Variants in FAT4 observed in about 807,000 individuals in gnomAD.
FAT4 encodes the protein FAT atypical cadherin 4.
Under a neutral mutation model 303.9 loss-of-function variants are expected in FAT4, and 84 were observed. The ratio of observed to expected loss-of-function variants is 0.28; its 90% CI spans 0.23 to 0.33. FAT4 has a LOEUF of 0.33. Ranked by LOEUF, FAT4 falls within the 10% of genes least tolerant of loss-of-function variation. FAT4 has a pLI of 1.00. For missense variants in FAT4, 6,005 were observed against 6,146.8 expected, an observed-to-expected ratio of 0.98 and a Z score of 0.77; for synonymous variants, 2,307 against 2,298.8, an observed-to-expected ratio of 1.00 and a Z score of -0.10.
At chr4:125,367,574 C>T (rs902835449) in intron 2 of FAT4, among the ~76,000 whole-genome samples, 8 of 152,074 alleles carry the variant, frequency 5.3e-5, no homozygotes, top group African/African-American at 2.4e-5. Flanking sequence ...TGTAAATACA[C>T]ATAGTTTAAA....
intron 7 of FAT4, among the ~76,000 whole-genome samples, chr4:125,430,221 A>T (rs1000452699): frequency 4.6e-5 from 7 of 151,978 alleles, no homozygotes; most frequent in Non-Finnish European, 7.4e-5. Context: ...CAGCGTCTTC[A>T]TTCAATTAGC....
chr4:125,460,812 T>C (rs576300258), intron 10 of FAT4, among the ~76,000 whole-genome samples: 12 of 152,256 alleles, frequency 7.9e-5, no homozygotes, highest in Non-Finnish European at 1.5e-4. Context: ...GTAATGGGAT[T>C]GTTGGGTCAA....
At chr4:125,457,804 T>A (rs1726336809) in intron 10 of FAT4, among the ~76,000 whole-genome samples, 1 of 152,202 alleles carries the variant, frequency 6.6e-6, no homozygotes, top group Middle Eastern at 3.4e-3. Context: ...TAAAAACTAT[T>A]ATTCCTGCCA....
chr4:125,480,288 A>G (rs1279300145), intron 15 of FAT4, among the ~76,000 whole-genome samples: 1 of 152,172 alleles, frequency 6.6e-6, no homozygotes, highest in Non-Finnish European at 1.5e-5. Flanking sequence ...AACATCATAC[A>G]GAGCCATCAT....
In FAT4 at chr4:125,448,566, C is replaced by T; in HGVS notation, c.7556C>T (p.Pro2519Leu). 1 of 1,613,852 alleles carries T rather than the reference C, an allele frequency of 6.2e-7. No individual in the cohort carries two copies. Among genetic ancestry groups the T allele is most frequent in the Non-Finnish European group, 8.5e-7 (1 of 1,179,896 alleles). ...AATTCTGAAAAATTTCACATTGACC[C>T]ACTGAGGGGAGCCATTATGGCCGCC... ...GRNSEKFHIDPLRGAIMAAGP... is the reference protein window; with the variant it reads ...GRNSEKFHIDLLRGAIMAAGP... The change falls in exon 10 of 18, where the codon CCA becomes CTA. Residue 2519 changes from proline to leucine, a missense_variant. Physicochemically the swap from Pro to Leu is moderately conservative, Grantham distance 98. Coordinates refer to ENST00000394329, the MANE Select transcript of FAT4 (RefSeq NM_001291303.3).
chr4:125,484,737 G>A (rs1379087256), intron 16 of FAT4, among the ~76,000 whole-genome samples: 2 of 152,048 alleles, frequency 1.3e-5, no homozygotes, highest in Non-Finnish European at 2.9e-5. Context: ...TGTATGGCAT[G>A]TTTACTGTAC....
In FAT4 at chr4:125,449,262, G is replaced by T. The variant is rs767230275; in HGVS notation, c.8252G>T (p.Gly2751Val). ...CTAACCATAAAATCATCAGACAAAG[G>T]GTCCCCGTCTCAGAGTACTTCAGTA... is the stretch of plus-strand genomic sequence containing the variant. ...YVLTIKSSDK[G>V]SPSQSTSVKV... Residue 2751 changes from glycine to valine, a missense_variant, in exon 10 of 18, where the codon GGG (glycine) becomes GTG (valine). By Grantham distance (109) the Gly-to-Val change is moderately radical (BLOSUM62 -3). Coordinates refer to ENST00000394329, the MANE Select transcript of FAT4 (RefSeq NM_001291303.3). The T allele has an allele frequency of 2.0e-5, 33 of 1,613,700 alleles. No individual in the cohort carries two copies. Among genetic ancestry groups the T allele is most frequent in the Non-Finnish European group, 2.4e-5 (28 of 1,179,890 alleles).
intron 2 of FAT4, among the ~76,000 whole-genome samples, chr4:125,370,619 C>T (rs777204153): frequency 8.5e-5 from 13 of 152,114 alleles, no homozygotes; most frequent in Non-Finnish European, 1.6e-4. Flanking sequence ...CTCTAAATCA[C>T]GTATACAGAC....
chr4:125,402,037 A>C (rs2126015434), intron 3 of FAT4, among the ~76,000 whole-genome samples: 1 of 151,830 alleles, frequency 6.6e-6, no homozygotes, highest in Middle Eastern at 3.4e-3. Context: ...TAATTAAATC[A>C]TTACTCTTGG....
chr4:125,361,035 T>C (rs1732646206), intron 2 of FAT4, among the ~76,000 whole-genome samples: 1 of 149,860 alleles, frequency 6.7e-6, no homozygotes. Context: ...ATGAGTGCAC[T>C]GATGTGTATT....
At chr4:125,333,387 C>G (rs997433673) in intron 2 of FAT4, among the ~76,000 whole-genome samples, 9 of 152,260 alleles carry the variant, frequency 5.9e-5, no homozygotes, top group African/African-American at 1.9e-4. Flanking sequence ...AGTTCAATGA[C>G]AGATTTTTAA....
Position 125,434,259 on chromosome 4 carries a change from A to T in FAT4, c.7033A>T (p.Thr2345Ser). 6.2e-7 allele frequency: 1 copy of T among 1,612,776 alleles called. No homozygotes were observed. Among genetic ancestry groups the T allele is most frequent in the Non-Finnish European group, 8.5e-7 (1 of 1,179,372 alleles). ...TATDSGSPAL[T>S]GTGTINVIVD... ...TTTCTTTTTAGGATCCCCTGCCTTGACTGGAACTGGAACAATCAACGTCAT... is the reference window on the plus strand; with the variant it reads ...TTTCTTTTTAGGATCCCCTGCCTTGTCTGGAACTGGAACAATCAACGTCAT... The change falls in exon 8 of 18, where the codon ACT becomes TCT. Residue 2345 changes from threonine (T) to serine (S), a missense_variant. Thr to Ser is a moderately conservative substitution (Grantham distance 58). Coordinates refer to ENST00000394329, the MANE Select transcript of FAT4 (RefSeq NM_001291303.3).
Position 125,362,279 on chromosome 4 carries a change from C to T in FAT4, c.5176-36505C>T, listed in dbSNP as rs74974788. On this transcript the variant is annotated intron_variant, in intron 2 of 17. Transcript: ENST00000394329. The stretch of plus-strand genomic sequence containing the variant: ...TTAGGGATATGCAGACTATATATTT[C>T]TTTTCAAGAGGGCAAGACTGTAAAT... Among the ~76,000 whole-genome samples the T allele has an allele frequency of 4.9e-3, 750 of 151,686 alleles. 29 individuals carry two copies. In the South Asian group the frequency reaches 0.069, roughly 14 times the overall value.
chr4:125,436,374 A>G (rs924686478), intron 8 of FAT4, among the ~76,000 whole-genome samples: 12 of 152,098 alleles, frequency 7.9e-5, no homozygotes, highest in Non-Finnish European at 1.8e-4. Context: ...TACAGTTTCA[A>G]ATGACTGTTA....
Position 125,321,497 on chromosome 4 carries a change from C to A in FAT4, c.5086C>A (p.Leu1696Met). 1 of 1,614,094 alleles carries A rather than the reference C, an allele frequency of 6.2e-7. No homozygotes were observed. Among genetic ancestry groups the A allele is most frequent in the Non-Finnish European group, 8.5e-7 (1 of 1,179,978 alleles). The change falls in exon 2 of 18, where the codon CTG becomes ATG. Residue 1696 changes from leucine to methionine, a missense_variant. By Grantham distance (15) the Leu-to-Met change is conservative. Transcript: ENST00000394329. ...HTGIIQTAAI[L>M]DREQGACLYL... ...TGGTATAATTCAGACCGCAGCCATT[C>A]TGGACCGGGAGCAAGGAGCATGTCT...
Position 125,468,641 on chromosome 4 carries a change from T to C in FAT4, c.12035T>C (p.Leu4012Ser), listed in dbSNP as rs767398867. Residue 4012 changes from leucine to serine, a missense_variant, in exon 12 of 18, where the codon TTA becomes TCA. By Grantham distance (145) the Leu-to-Ser change is moderately radical (BLOSUM62 -2). Coordinates refer to ENST00000394329, the MANE Select transcript of FAT4 (RefSeq NM_001291303.3). ...TTTGCCACGATTAAAAGTCATGCCT[T>C]ATTGCTTTACAACTATGACAACCAG... The part of the protein sequence containing the change: ...VKFATIKSHA[L>S]LLYNYDNQTG... 1 of 1,614,116 alleles carries C rather than the reference T, an allele frequency of 6.2e-7. No homozygotes were observed. The highest frequency in any genetic ancestry group is 8.5e-7 in the Non-Finnish European group (1 of 1,180,004).
chr4:125,398,925 G>C lies in FAT4; in HGVS notation c.5307+10G>C. Reference sequence around the variant, plus strand: ...CATGGATGCTGATGAGGTAGCTCAAGCATGTCTCTGAATTTGTGAAACTTC... The same window carrying C: ...CATGGATGCTGATGAGGTAGCTCAACCATGTCTCTGAATTTGTGAAACTTC... On this transcript the variant is annotated intron_variant, in intron 3 of 17. Transcript: ENST00000394329. 6.2e-7 allele frequency: 1 copy of C among 1,612,404 alleles called. No individual in the cohort carries two copies. The highest frequency in any genetic ancestry group is 1.1e-5 in the South Asian group (1 of 90,918).
chr4:125,471,975 A>G (rs1726879306), intron 12 of FAT4, among the ~76,000 whole-genome samples: 1 of 139,396 alleles, frequency 7.2e-6, no homozygotes, highest in South Asian at 2.5e-4. Context: ...TGCTGGGGAT[A>G]GGCAGGAGAA....
chr4:125,433,698 A>T (rs1725354400), intron 7 of FAT4, among the ~76,000 whole-genome samples: 1 of 152,224 alleles, frequency 6.6e-6, no homozygotes, highest in African/African-American at 2.4e-5. Context: ...TCTAGCACGT[A>T]GAAGATAACA....
Sources: gnomAD v4.1 joint callset for allele counts (sites outside exome capture counted in the v4.1 genomes callset) on GRCh38, gnomAD v4.1.1 for gene constraint, MANE v1.5 for transcripts, NCBI Gene and HGNC (gene_info 2026-07-23, HGNC 2026-07-21) for gene names.